The following ANXA13 variants were observed in gnomAD, a reference collection of about 807,000 sequenced individuals.
ANXA13 encodes the protein annexin XIII.
A neutral mutation model predicts 46.6 loss-of-function variants in ANXA13; 36 were observed. The observed-to-expected ratio is 0.77, with a 90% confidence interval of 0.59 to 1.02. The LOEUF (loss-of-function observed/expected upper bound fraction) is 1.02, where lower values mean the gene tolerates loss of function less well. Ranked by LOEUF, ANXA13 falls within the 50% of genes least tolerant of loss-of-function variation. ANXA13 has a pLI of 0.00. For missense variants in ANXA13, 417 were observed against 396.5 expected, an observed-to-expected ratio of 1.05 and a Z score of -0.44; for synonymous variants, 163 against 152.9, an observed-to-expected ratio of 1.07 and a Z score of -0.49.
At chr8:123,724,621 C>T (rs552906067) in intron 1 of ANXA13, among the ~76,000 whole-genome samples, 1 of 152,272 alleles carries the variant, frequency 6.6e-6, no homozygotes, top group East Asian at 1.9e-4. Context: ...AGAGGTTTAG[C>T]ATGAAATCTT....
intron 9 of ANXA13, 44 bp from the exon 10 acceptor site, chr8:123,684,766 T>C: frequency 6.8e-7 from 1 of 1,469,554 alleles, no homozygotes; most frequent in Non-Finnish European, 9.5e-7. Flanking sequence ...TTTCACGTTT[T>C]GTGGAATGAC....
intron 3 of ANXA13, among the ~76,000 whole-genome samples, chr8:123,701,829 A>G (rs58689082): frequency 0.15 from 22,640 of 151,926 alleles, 1,786 homozygotes; most frequent in Admixed American, 0.19. Context: ...GTATTGGTAC[A>G]TGCTGGCATT....
intron 1 of ANXA13, among the ~76,000 whole-genome samples, chr8:123,722,342 AAAAGAAAGAAAG>A (rs148382346): frequency 0.015 from 2,008 of 136,950 alleles, 23 homozygotes; most frequent in East Asian, 0.084. Flanking sequence ...GAAAGAAAAG[AAAAGAAAGAAAG>A]AAAGAAAGAA....
At chr8:123,731,990 G>T (rs11784915) in intron 1 of ANXA13, among the ~76,000 whole-genome samples, 1 of 152,122 alleles carries the variant, frequency 6.6e-6, no homozygotes, top group Admixed American at 6.5e-5. Flanking sequence ...ATCCAGCTTG[G>T]GGGGCAGGGG....
rs538828389 is a variant in ANXA13 at position 123,721,358 on chromosome 8, C to G, written c.16-8605G>C. ...TCTCTCACAGACATCTACCTTTGAA[C>G]CAGGCACGAGGCTGTTTTTTCCTCC... On this transcript the variant is annotated intron_variant, in intron 1 of 10. Transcript: ENST00000419625. Among the ~76,000 whole-genome samples the G allele has an allele frequency of 1.2e-3, 182 of 152,266 alleles. 1 individual carries two copies. Among genetic ancestry groups the G allele is most frequent in the African/African-American group, 4.0e-3 (168 of 41,548 alleles).
At chr8:123,687,908 G>A (rs985366455) in intron 9 of ANXA13, among the ~76,000 whole-genome samples, 1 of 152,206 alleles carries the variant, frequency 6.6e-6, no homozygotes, top group Non-Finnish European at 1.5e-5. Context: ...TGGAGAGGAG[G>A]TCCTGGGGTT....
chr8:123,730,814 C>A (rs2129948020), intron 1 of ANXA13, among the ~76,000 whole-genome samples: 1 of 152,230 alleles, frequency 6.6e-6, no homozygotes, highest in Non-Finnish European at 1.5e-5. Flanking sequence ...GAAGGAGGAG[C>A]AAAGTCACAT....
intron 2 of ANXA13, among the ~76,000 whole-genome samples, chr8:123,704,340 C>A (rs1240648686): frequency 6.6e-6 from 1 of 152,120 alleles, no homozygotes; most frequent in Non-Finnish European, 1.5e-5. Flanking sequence ...AGGCACAATG[C>A]AGCACCTCTT....
chr8:123,683,309 G>T (rs1813073014), intron 10 of ANXA13, among the ~76,000 whole-genome samples: 1 of 152,002 alleles, frequency 6.6e-6, no homozygotes, highest in East Asian at 1.9e-4. Flanking sequence ...GAACCATCTT[G>T]TTGCAAAGTT....
At chr8:123,681,381 T>G in intron 10 of ANXA13, 22 bp from the exon 11 acceptor site, 2 of 1,609,878 alleles carry the variant, frequency 1.2e-6, no homozygotes, top group Non-Finnish European at 8.5e-7. Flanking sequence ...ATAACAGCAA[T>G]GGAGATAAGA....
intron 6 of ANXA13, among the ~76,000 whole-genome samples, chr8:123,694,984 A>G (rs1167320364): frequency 6.6e-6 from 1 of 151,962 alleles, no homozygotes; most frequent in South Asian, 2.1e-4. Flanking sequence ...GTCTGTCTAG[A>G]GGTCTCGGGG....
intron 1 of ANXA13, among the ~76,000 whole-genome samples, chr8:123,717,872 A>G (rs1220508915): frequency 6.6e-6 from 1 of 152,206 alleles, no homozygotes; most frequent in Non-Finnish European, 1.5e-5. Context: ...TTAAGTAACC[A>G]CTCAGATGCG....
chr8:123,681,209 C>T lies in ANXA13; in HGVS notation c.*31G>A. On this transcript the variant is annotated 3_prime_UTR_variant, in exon 11 of 11. Transcript: ENST00000419625. ...GAATGTGCTCTTGACAAAGGCGGTT[C>T]CACCCTGTGTTCCTATTGCCCTGGC... 6.3e-7 allele frequency: 1 copy of T among 1,577,230 alleles called. No individual in the cohort carries two copies. Among genetic ancestry groups the T allele is most frequent in the Non-Finnish European group, 8.6e-7 (1 of 1,161,504 alleles).
chr8:123,721,383 C>T (rs769658568), intron 1 of ANXA13, among the ~76,000 whole-genome samples: 8 of 152,140 alleles, frequency 5.3e-5, no homozygotes, highest in Non-Finnish European at 1.0e-4. Flanking sequence ...TTTTTTCCTC[C>T]GTATCTTTTC....
At chr8:123,726,991 G>C (rs1814012208) in intron 1 of ANXA13, among the ~76,000 whole-genome samples, 1 of 152,186 alleles carries the variant, frequency 6.6e-6, no homozygotes, top group African/African-American at 2.4e-5. Context: ...CTCATAAGTG[G>C]GAGCTAAGCT....
intron 1 of ANXA13, among the ~76,000 whole-genome samples, chr8:123,736,163 T>C (rs1225125478): frequency 1.3e-5 from 2 of 152,226 alleles, no homozygotes; most frequent in Admixed American, 6.5e-5. Context: ...TGTAAGTTTG[T>C]AAACATCTGA....
chr8:123,710,679 G>A (rs1054896079), intron 2 of ANXA13, among the ~76,000 whole-genome samples: 5 of 151,788 alleles, frequency 3.3e-5, no homozygotes, highest in Non-Finnish European at 7.4e-5. Context: ...GGCATTTGGA[G>A]TGAGTGACAA....
At chr8:123,736,847 C>CTTTTTT (rs34405438) in intron 1 of ANXA13, among the ~76,000 whole-genome samples, 4 of 113,442 alleles carry the variant, frequency 3.5e-5, no homozygotes, top group African/African-American at 6.9e-5. Context: ...ATCCCCAGTG[C>CTTTTTT]TTTTTTTTTT....
At chr8:123,688,826 C>A (rs1467999616) in intron 9 of ANXA13, 45 bp downstream of exon 9, 1 of 1,569,568 alleles carries the variant, frequency 6.4e-7, no homozygotes, top group Non-Finnish European at 8.8e-7. Flanking sequence ...AGTCTGGTTC[C>A]AGGCAGCCCA....
Sources: allele counts gnomAD v4.1 joint callset (sites outside exome capture counted in the v4.1 genomes callset), GRCh38; gene constraint gnomAD v4.1.1; transcripts MANE v1.5; gene names NCBI Gene and HGNC (gene_info 2026-07-23, HGNC 2026-07-21).